Variants in PLXNB3 observed in about 807,000 individuals in gnomAD.
PLXNB3 encodes the protein plexin-B3.
PLXNB3 carries 80 observed loss-of-function variants against 125.7 expected under a neutral mutation model. The ratio of observed to expected loss-of-function variants is 0.64; its 90% CI spans 0.53 to 0.77. The LOEUF is 0.77. Among genes scored for constraint, PLXNB3 ranks in the 30% least tolerant of loss-of-function variants. The pLI is 0.00. For synonymous variants in PLXNB3, 954 were observed against 783.3 expected (o/e 1.22, Z -3.64); for missense variants, 1,836 against 1,729.3 (o/e 1.06, Z -1.09).
chrX:153,772,140 C>G, intron 15 of PLXNB3, 42 bp from the exon 16 acceptor site: 1 of 872,929 alleles, frequency 1.1e-6, no homozygotes, highest in Non-Finnish European at 1.4e-6. Context: ...CTGTCCCCTC[C>G]GTCCCTGAGC....
intron 28 of PLXNB3, 75 bp from the exon 29 acceptor site, chrX:153,776,812 G>A: frequency 7.7e-6 from 5 of 653,432 alleles, no homozygotes; most frequent in Non-Finnish European, 6.7e-6. Flanking sequence ...GGGGAAGGGC[G>A]AGGCAGGGCA....
rs782174999 is a variant in PLXNB3 at position 153,769,169 on chromosome X, G to A, written c.1403G>A (p.Arg468Gln). 2.0e-5 allele frequency: 24 copies of A among 1,187,986 alleles called. No individual in the cohort carries two copies. The highest frequency in any genetic ancestry group is 2.4e-5 in the Non-Finnish European group (21 of 883,686). The stretch of plus-strand genomic sequence containing the variant: ...GCTCTGCTGCCCCTCCAGGTGGACC[G>A]GATACCTGTGGCAGCCTGCCCCCAG... ...LYVLTAHQVD[R>Q]IPVAACPQFP... Residue 468 changes from arginine to glutamine, a missense_variant, in exon 6 of 36, where the codon CGG becomes CAG. By Grantham distance (43) the Arg-to-Gln change is conservative. Transcript: ENST00000361971.
rs782712146 is a variant in PLXNB3 at position 153,767,529 on chromosome X, C to T, written c.702C>T (p.Tyr234=). The change falls in exon 3 of 36, where the codon TAC becomes TAT. Residue 234 remains tyrosine, a synonymous_variant. Coordinates refer to ENST00000361971, the MANE Select transcript of PLXNB3 (RefSeq NM_005393.3). ...ACTTCTCCGACTACAACAACAGCTA[C>T]GTCGGGGCCTTTGCCGACGCCCGCT... ...VGDFSDYNNS[Y]VGAFADARSA... 6.6e-5 allele frequency: 77 copies of T among 1,175,045 alleles called. No homozygotes were observed. The highest frequency in any genetic ancestry group is 8.3e-5 in the Non-Finnish European group (73 of 877,572).
In PLXNB3 at chrX:153,770,125, G is replaced by A. The variant is rs1557061091; in HGVS notation, c.1663G>A (p.Asp555Asn). ...TLSVPRLPILDADEYFHCAFG... is the reference protein window; with the variant it reads ...TLSVPRLPILNADEYFHCAFG... ...GTCTGTCCCCCGGCTGCCCATCCTG[G>A]ATGCAGATGAATACTTCCATTGTGC... is the stretch of plus-strand genomic sequence containing the variant. Residue 555 changes from aspartate (D) to asparagine (N), a missense_variant, in exon 8 of 36, where the codon GAT becomes AAT. Physicochemically the swap from Asp to Asn is conservative, Grantham distance 23 (BLOSUM62 1). Transcript: ENST00000361971. The A allele has an allele frequency of 8.3e-7, 1 of 1,211,435 alleles. No individual in the cohort carries two copies. Among genetic ancestry groups the A allele is most frequent in the East Asian group, 3.0e-5 (1 of 33,863 alleles).
chrX:153,765,879 G>C lies in PLXNB3; in HGVS notation c.45+299G>C, dbSNP rs781999129. On this transcript the variant is annotated intron_variant, in intron 2 of 35. Transcript: ENST00000361971. ...TCTCTGTGGAGGGCAGGAGGGGCCA[G>C]AGAAGGGGCTGCTCCCACCTCTCAC... 1.5e-4 allele frequency: 116 copies of C among 753,020 alleles called. No homozygotes were observed. In the African/African-American group the frequency reaches 2.4e-3, roughly 16 times the overall value. 62.1% of individuals were successfully genotyped at this position (753,020 alleles called of 1,213,427 possible). A position where few individuals can be genotyped will look rare whatever the true frequency, so the allele number is the denominator to read the frequency against.
At chrX:153,770,064 C>T in intron 7 of PLXNB3, 28 bp from the exon 8 acceptor site, 1 of 1,205,901 alleles carries the variant, frequency 8.3e-7, no homozygotes, top group Non-Finnish European at 1.1e-6. Context: ...CTGGCTACAT[C>T]TCCCGGTTTC....
At chrX:153,768,540 C>T (rs2091885751) in intron 4 of PLXNB3, 112 bp downstream of exon 4, 1 of 698,453 alleles carries the variant, frequency 1.4e-6, no homozygotes, top group Non-Finnish European at 2.1e-6. Context: ...GGTCAGGGGA[C>T]TTTGCCACAC....
chrX:153,776,487 G>A (rs2091988592), intron 28 of PLXNB3, 28 bp downstream of exon 28: 2 of 614,497 alleles, frequency 3.3e-6, no homozygotes, highest in Non-Finnish European at 4.9e-6. Flanking sequence ...GCGAGGCAGG[G>A]CGGGGCTGGG....
At chrX:153,777,917 C>A in intron 31 of PLXNB3, 31 bp from the exon 32 acceptor site, 1 of 1,187,175 alleles carries the variant, frequency 8.4e-7, no homozygotes, top group Non-Finnish European at 1.1e-6. Flanking sequence ...CAGGCCAGGG[C>A]CTCACGCCCA....
intron 6 of PLXNB3, among the ~76,000 whole-genome samples, chrX:153,769,606 G>A (rs1202100964): frequency 8.8e-6 from 1 of 113,114 alleles, no homozygotes; most frequent in Non-Finnish European, 1.9e-5. Context: ...AGCCGCACCT[G>A]CCTCTCAGGG....
chrX:153,764,717 T>G (rs2091838453), intron 1 of PLXNB3, among the ~76,000 whole-genome samples: 1 of 112,624 alleles, frequency 8.9e-6, no homozygotes, highest in African/African-American at 3.2e-5. Flanking sequence ...CCTGTGCCAC[T>G]GGCCAGGGTG....
rs2091956862 is a variant in PLXNB3, at chrX:153,773,662, C to T, written c.3228C>T (p.Ala1076=). The stretch of plus-strand genomic sequence containing the variant: ...CACAGCCAAGGAGGAGCTGTGGAGC[C>T]CCTGCTGCGGACCCCCAGGCTTGTA... ...QDPQPRRSCG[A]PAADPQACIQ... is the part of the protein sequence containing the mutation. Residue 1076 remains alanine (A), a synonymous_variant, in exon 19 of 36, where the codon GCC becomes GCT. Transcript: ENST00000361971. 2.5e-6 allele frequency: 3 copies of T among 1,180,067 alleles called. No homozygotes were observed. The East Asian group carries it at 9.0e-5, about 35-fold the overall frequency.
chrX:153,771,797 G>A, intron 14 of PLXNB3, 67 bp from the exon 15 acceptor site: 3 of 1,161,309 alleles, frequency 2.6e-6, no homozygotes, highest in East Asian at 3.1e-5. Flanking sequence ...GGCTGGCCGG[G>A]CACCCAGCAC....
rs1557063381 is a variant in PLXNB3 at position 153,774,717 on chromosome X, A to G, written c.3842A>G (p.Lys1281Arg). ...LLTLMYRHKS[K>R]QALRDYQKVL... The stretch of plus-strand genomic sequence containing the variant: ...GCCCCGGGCTGCAGGCACAAGAGCA[A>G]GCAGGCCCTGCGGGACTACCAGAAG... Residue 1281 changes from lysine (K) to arginine (R), a missense_variant, in exon 23 of 36, where the codon AAG becomes AGG. Coordinates refer to ENST00000361971, the MANE Select transcript of PLXNB3 (RefSeq NM_005393.3). 8.6e-7 allele frequency: 1 copy of G among 1,169,390 alleles called. No homozygotes were observed. Among genetic ancestry groups the G allele is most frequent in the Non-Finnish European group, 1.1e-6 (1 of 872,973 alleles).
At position 153,768,426 on chromosome X, in the gene PLXNB3, A is replaced by G; in HGVS notation, c.1264A>G (p.Lys422Glu). Reference sequence around the variant, plus strand: ...GGGGGACACCCAGGGCCAGCTGTACAAGGTGAGGGCCCGGCCTTGCTGTCC... The same window carrying G: ...GGGGGACACCCAGGGCCAGCTGTACGAGGTGAGGGCCCGGCCTTGCTGTCC... ...FLGDTQGQLY[K>E]VFLHGSQGQV... The change falls in exon 4 of 36, where the codon AAG becomes GAG. Residue 422 changes from lysine to glutamate, a missense_variant and splice_region_variant. By Grantham distance (56) the Lys-to-Glu change is moderately conservative. Transcript: ENST00000361971. The G allele has an allele frequency of 8.4e-7, 1 of 1,194,788 alleles. No individual in the cohort carries two copies. The highest frequency in any genetic ancestry group is 1.1e-6 in the Non-Finnish European group (1 of 883,213).
intron 2 of PLXNB3, chrX:153,766,085 C>T: frequency 3.8e-6 from 4 of 1,065,470 alleles, no homozygotes; most frequent in Non-Finnish European, 4.8e-6. Context: ...ACTGCTGGGG[C>T]CCATGGGGCA....
In PLXNB3 at chrX:153,774,875, C is replaced by T. The variant is rs371016989; in HGVS notation, c.3932-5C>T. ...CTCACACCTCGGCGCCTCCTGGCCC[C>T]GCAGACCTCATGACGGAGATGACCG... On this transcript the variant is annotated splice_polypyrimidine_tract_variant and splice_region_variant and intron_variant, in intron 23 of 35. Transcript: ENST00000361971. 17 of 1,201,694 alleles carry T rather than the reference C, an allele frequency of 1.4e-5. No individual in the cohort carries two copies. The highest frequency in any genetic ancestry group is 1.1e-4 in the South Asian group (6 of 55,326).
At position 153,777,301 on chromosome X, in the gene PLXNB3, G is replaced by A; in HGVS notation, c.5021G>A (p.Cys1674Tyr). ...TEEPEGAKVR[C>Y]SSLREREPAR... ...GAGCCAGAAGGGGCCAAGGTGCGGT[G>A]CAGCAGCCTGCGGGAGCGCGAGCCA... The change falls in exon 30 of 36, where the codon TGC becomes TAC. Residue 1674 changes from cysteine to tyrosine, a missense_variant. Transcript: ENST00000361971. 8.3e-7 allele frequency: 1 copy of A among 1,205,801 alleles called. No homozygotes were observed. The highest frequency in any genetic ancestry group is 1.8e-5 in the South Asian group (1 of 56,401).
intron 4 of PLXNB3, 147 bp downstream of exon 4, chrX:153,768,575 C>A: frequency 1.8e-6 from 1 of 546,917 alleles, no homozygotes; most frequent in Non-Finnish European, 2.9e-6. Flanking sequence ...GAGCACTGCC[C>A]CCTGCAGCCC....
Sources: allele counts gnomAD v4.1 joint callset (sites outside exome capture counted in the v4.1 genomes callset), GRCh38; gene constraint gnomAD v4.1.1; transcripts MANE v1.5; gene names NCBI Gene and HGNC (gene_info 2026-07-23, HGNC 2026-07-21).